The following RABGAP1L variants were observed in gnomAD, a reference collection of about 807,000 sequenced individuals.
The protein encoded by RABGAP1L is RAB GTPase activating protein 1 like.
In RABGAP1L, 63 loss-of-function variants were observed where a neutral mutation model predicts 137.7. The observed-to-expected ratio is 0.46, with a 90% CI of 0.37 to 0.56. The LOEUF is 0.56. RABGAP1L is among the 20% of genes least tolerant of loss of function. RABGAP1L has a pLI of 0.00. For missense variants in RABGAP1L, 1,095 were observed against 1,244.0 expected, an observed-to-expected ratio of 0.88 and a Z score of 1.80; for synonymous variants, 431 against 433.7, an observed-to-expected ratio of 0.99 and a Z score of 0.08.
At chr1:174,266,472 T>C (rs909244673) in intron 7 of RABGAP1L, among the ~76,000 whole-genome samples, 1 of 152,196 alleles carries the variant, frequency 6.6e-6, no homozygotes, top group Non-Finnish European at 1.5e-5. Context: ...CAGTCCTTGC[T>C]TTGTAGTTAT....
chr1:174,784,217 C>T (rs1246064877), intron 18 of RABGAP1L, among the ~76,000 whole-genome samples: 1 of 151,840 alleles, frequency 6.6e-6, no homozygotes, highest in South Asian at 2.1e-4. Context: ...GACGGAGTTT[C>T]ACCGTGTTAG....
intron 16 of RABGAP1L, 120 bp downstream of exon 16, chr1:174,699,770 C>A: frequency 9.8e-7 from 1 of 1,015,240 alleles, no homozygotes; most frequent in Non-Finnish European, 1.4e-6. Context: ...AGAAAATGTA[C>A]ATGGATTTAG....
intron 19 of RABGAP1L, among the ~76,000 whole-genome samples, chr1:174,841,921 C>A (rs1181971898): frequency 6.6e-6 from 1 of 151,548 alleles, no homozygotes; most frequent in Non-Finnish European, 1.5e-5. Context: ...TAACAGCTGC[C>A]TAACCACAAT....
In RABGAP1L at chr1:174,990,991, G is replaced by C. The variant is rs1463759752; in HGVS notation, c.*990G>C. On this transcript the variant is annotated 3_prime_UTR_variant, in exon 26 of 26. Transcript: ENST00000681986. Reference sequence around the variant, plus strand: ...ACATAGTATTGAAATGGGAAATAGAGGTCAGGCTCACATCATCTTAGTTTA... The same window carrying C: ...ACATAGTATTGAAATGGGAAATAGACGTCAGGCTCACATCATCTTAGTTTA... 2.0e-5 allele frequency: 3 copies of C among 152,180 alleles called. No homozygotes were observed. The highest frequency in any genetic ancestry group is 7.2e-5 in the African/African-American group (3 of 41,432). 9.4% of individuals were successfully genotyped at this position (152,180 alleles called of 1,614,324 possible).
chr1:174,198,129 C>T (rs965723147), intron 1 of RABGAP1L, among the ~76,000 whole-genome samples: 1 of 152,046 alleles, frequency 6.6e-6, no homozygotes, highest in African/African-American at 2.4e-5. Context: ...TAATTATAGT[C>T]TAATATATAG....
chr1:174,979,876 T>G (rs1670945877), intron 23 of RABGAP1L, among the ~76,000 whole-genome samples: 1 of 152,212 alleles, frequency 6.6e-6, no homozygotes, highest in Admixed American at 6.5e-5. Context: ...AATTCCAGGT[T>G]TCTAGAATTA....
chr1:174,721,960 T>G (rs1221977467), intron 17 of RABGAP1L, among the ~76,000 whole-genome samples: 2 of 152,116 alleles, frequency 1.3e-5, no homozygotes, highest in Non-Finnish European at 2.9e-5. Flanking sequence ...TGAGACGGAG[T>G]CTTGCTCTGT....
intron 1 of RABGAP1L, among the ~76,000 whole-genome samples, chr1:174,190,150 A>G (rs980023470): frequency 6.6e-6 from 1 of 152,078 alleles, no homozygotes; most frequent in Non-Finnish European, 1.5e-5. Context: ...TAAAAATACA[A>G]AAATTAGCTG....
At chr1:174,477,479 A>G (rs1179867178) in intron 13 of RABGAP1L, among the ~76,000 whole-genome samples, 1 of 152,108 alleles carries the variant, frequency 6.6e-6, no homozygotes, top group Non-Finnish European at 1.5e-5. Flanking sequence ...AGTAGAGAAA[A>G]TTTTCAATTT....
At chr1:174,969,596 C>CAGAG (rs1380466125) in intron 21 of RABGAP1L, among the ~76,000 whole-genome samples, 2 of 152,168 alleles carry the variant, frequency 1.3e-5, no homozygotes, top group Non-Finnish European at 2.9e-5. Context: ...GACATACTTT[C>CAGAG]TTTATACCTC....
chr1:174,624,077 G>A lies in RABGAP1L; in HGVS notation c.1711-13298G>A, dbSNP rs113205143. ...ATTGAAAATCACCTTTCTGTATCCT[G>A]GTTCTCTCTCAACTTGTTCTTTTAT... On this transcript the variant is annotated intron_variant, in intron 13 of 25. Coordinates refer to ENST00000681986, the MANE Select transcript of RABGAP1L (RefSeq NM_001366446.1). Among the ~76,000 whole-genome samples the A allele has an allele frequency of 5.3e-3, 801 of 152,246 alleles. 9 individuals carry two copies. Among genetic ancestry groups the A allele is most frequent in the African/African-American group, 0.018 (757 of 41,536 alleles).
In RABGAP1L at chr1:174,180,612, A is replaced by G. The variant is rs1158486113; in HGVS notation, c.-34+20955A>G. On this transcript the variant is annotated intron_variant, in intron 1 of 25. Coordinates refer to ENST00000681986, the MANE Select transcript of RABGAP1L (RefSeq NM_001366446.1). ...CCCAAGTGGCTGGGACTGAAGGCAT[A>G]TGCCACCACGCCTGGCTAATTTTTT... Among the ~76,000 whole-genome samples, 2 of 152,004 alleles carry G rather than the reference A, an allele frequency of 1.3e-5. 1 individual carries two copies. Among genetic ancestry groups the G allele is most frequent in the African/African-American group, 4.8e-5 (2 of 41,388 alleles).
At chr1:174,536,042 A>G (rs535956346) in intron 13 of RABGAP1L, among the ~76,000 whole-genome samples, 1 of 152,250 alleles carries the variant, frequency 6.6e-6, no homozygotes, top group African/African-American at 2.4e-5. Context: ...GAATTAATGT[A>G]TATTTGTGGT....
chr1:174,201,235 G>A (rs986519275), intron 1 of RABGAP1L, among the ~76,000 whole-genome samples: 1 of 151,514 alleles, frequency 6.6e-6, no homozygotes, highest in Non-Finnish European at 1.5e-5. Context: ...AATTACAGGT[G>A]TGAGCCACCA....
intron 13 of RABGAP1L, among the ~76,000 whole-genome samples, chr1:174,586,919 A>T (rs1457201861): frequency 1.3e-5 from 2 of 152,110 alleles, no homozygotes; most frequent in African/African-American, 4.8e-5. Context: ...TAAAAAGTAC[A>T]ATATGAGTGT....
intron 14 of RABGAP1L, among the ~76,000 whole-genome samples, chr1:174,664,167 G>A (rs333422): frequency 0.37 from 56,172 of 151,992 alleles, 13,630 homozygotes; most frequent in African/African-American, 0.69. Flanking sequence ...CAGGAGCCTA[G>A]CCGTCTATTA....
chr1:174,170,934 A>G (rs1052678467), intron 1 of RABGAP1L, among the ~76,000 whole-genome samples: 1 of 152,240 alleles, frequency 6.6e-6, no homozygotes, highest in Non-Finnish European at 1.5e-5. Flanking sequence ...TCTTGTACAC[A>G]TATTTGTTTG....
chr1:174,514,245 GCC>G (rs1662600388), intron 13 of RABGAP1L, among the ~76,000 whole-genome samples: 1 of 74,026 alleles, frequency 1.4e-5, no homozygotes. Context: ...TATATTTTAA[GCC>G]AAAAAAAAAA....
At chr1:174,460,644 G>A (rs1272080860) in intron 13 of RABGAP1L, among the ~76,000 whole-genome samples, 5 of 152,098 alleles carry the variant, frequency 3.3e-5, no homozygotes, top group Non-Finnish European at 7.4e-5. Context: ...GTTTCCCAAA[G>A]GAGTGATCCA....
Sources: allele counts gnomAD v4.1 joint callset (sites outside exome capture counted in the v4.1 genomes callset), GRCh38; gene constraint gnomAD v4.1.1; transcripts MANE v1.5; gene names NCBI Gene and HGNC (gene_info 2026-07-23, HGNC 2026-07-21).